NFAM1: variants seen among roughly 807,000 people sequenced by gnomAD.
The protein encoded by NFAM1 is NFAT activation molecule 1.
In NFAM1, 17 loss-of-function variants were observed where a neutral mutation model predicts 29.0. The ratio of observed to expected loss-of-function variants is 0.59; its 90% CI spans 0.40 to 0.88. NFAM1 has a LOEUF of 0.88. Among genes scored for constraint, NFAM1 ranks in the 40% least tolerant of loss-of-function variants. NFAM1 has a pLI of 0.00. For missense variants in NFAM1, 324 were observed against 344.6 expected, an observed-to-expected ratio of 0.94 and a Z score of 0.47; for synonymous variants, 175 against 147.2, an observed-to-expected ratio of 1.19 and a Z score of -1.36.
At chr22:42,391,117 G>A (rs915672317) in intron 4 of NFAM1, among the ~76,000 whole-genome samples, 6 of 152,176 alleles carry the variant, frequency 3.9e-5, no homozygotes, top group Non-Finnish European at 5.9e-5. Flanking sequence ...GCAGTGTGAC[G>A]GTTTAGGGGC....
At chr22:42,435,409 G>A (rs1400475476), upstream of NFAM1, among the ~76,000 whole-genome samples, 48 of 150,162 alleles carry the variant, frequency 3.2e-4, no homozygotes, top group Non-Finnish European at 4.1e-4. Context: ...GTGCAATGGC[G>A]CGATCTCGGC....
At chr22:42,398,043 T>C in intron 3 of NFAM1, 87 bp from the exon 4 acceptor site, 1 of 676,058 alleles carries the variant, frequency 1.5e-6, no homozygotes, top group Non-Finnish European at 2.6e-6. Context: ...GATGGCAGAT[T>C]GTCATGAGGT....
intron 3 of NFAM1, among the ~76,000 whole-genome samples, chr22:42,408,414 G>A (rs9623585): frequency 6.6e-6 from 1 of 152,020 alleles, no homozygotes; most frequent in Admixed American, 6.5e-5. Context: ...CAGTGTTCAC[G>A]CCTCACACCC....
chr22:42,436,177 C>T (rs1052850610), upstream of NFAM1, among the ~76,000 whole-genome samples: 2 of 152,262 alleles, frequency 1.3e-5, no homozygotes, highest in East Asian at 1.9e-4. Flanking sequence ...GGCCTCCAGC[C>T]GGGACACAGT....
chr22:42,411,019 CTTTTTT>C (rs138369373), intron 2 of NFAM1, among the ~76,000 whole-genome samples: 15,879 of 121,640 alleles, frequency 0.13, 985 homozygotes, highest in Admixed American at 0.15. Context: ...CTTTTCTTTT[CTTTTTT>C]TTTTTTTTTT....
intron 4 of NFAM1, among the ~76,000 whole-genome samples, chr22:42,392,640 C>A (rs1021666714): frequency 6.6e-6 from 1 of 151,988 alleles, no homozygotes; most frequent in Non-Finnish European, 1.5e-5. Flanking sequence ...GTACTGTTAA[C>A]CCTGTTTTGC....
chr22:42,414,061 AC>A (rs1361739049), intron 1 of NFAM1, among the ~76,000 whole-genome samples: 1 of 152,216 alleles, frequency 6.6e-6, no homozygotes, highest in Non-Finnish European at 1.5e-5. Flanking sequence ...CTCAAAAAAA[AC>A]AAAAAGAAGA....
At chr22:42,420,404 C>T (rs914036013) in intron 1 of NFAM1, among the ~76,000 whole-genome samples, 15 of 151,828 alleles carry the variant, frequency 9.9e-5, no homozygotes, top group Non-Finnish European at 4.4e-5. Flanking sequence ...CCTGGGAGTT[C>T]GAAGCTGCAA....
rs757190824 is a variant in NFAM1, at chr22:42,411,422, A to G, written c.436T>C (p.Phe146Leu). 3 of 1,613,120 alleles carry G rather than the reference A, an allele frequency of 1.9e-6. No individual in the cohort carries two copies. In the African/African-American group the frequency reaches 4.0e-5, roughly 22 times the overall value. The change falls in exon 2 of 6, where the codon TTC becomes CTC. Residue 146 changes from phenylalanine (F) to leucine (L), a missense_variant. By Grantham distance (22) the Phe-to-Leu change is conservative. Coordinates refer to ENST00000329021, the MANE Select transcript of NFAM1 (RefSeq NM_145912.8). ...PHSTVRGSGT[F>L]ILVRDAGYRE... Reference sequence around the variant, plus strand: ...GAAGCCTTACCTCTGACCAGGATGAAGGTGCCGCTGCCTCTCACCGTGGAG... The same window carrying G: ...GAAGCCTTACCTCTGACCAGGATGAGGGTGCCGCTGCCTCTCACCGTGGAG...
chr22:42,392,841 C>T (rs556196139), intron 4 of NFAM1, among the ~76,000 whole-genome samples: 3 of 151,990 alleles, frequency 2.0e-5, no homozygotes, highest in South Asian at 4.2e-4. Context: ...GCTCTGTCAC[C>T]CAGGCTGGAG....
chr22:42,428,707 C>T (rs1458464400), intron 1 of NFAM1, among the ~76,000 whole-genome samples: 3 of 152,168 alleles, frequency 2.0e-5, no homozygotes, highest in Admixed American at 6.5e-5. Flanking sequence ...TGCCTAGAAC[C>T]GGTCCTTTTC....
At chr22:42,386,407 A>C (rs1181539879) in intron 5 of NFAM1, among the ~76,000 whole-genome samples, 1 of 142,736 alleles carries the variant, frequency 7.0e-6, no homozygotes, top group Admixed American at 7.2e-5. Flanking sequence ...ACACACACAC[A>C]CACACACACA....
rs563945301 is a variant in NFAM1, at chr22:42,388,418, C to T, written c.664-1340G>A. 1.3e-5 allele frequency among the ~76,000 whole-genome samples: 2 copies of T among 152,216 alleles called. No homozygotes were observed. The highest frequency in any genetic ancestry group is 2.9e-5 in the Non-Finnish European group (2 of 68,040). ...GAGAAGCATGAGGCCTGCCCACCTCCCCTCTCTGGGATCACAGACCAGACC... is the reference window on the plus strand; with the variant it reads ...GAGAAGCATGAGGCCTGCCCACCTCTCCTCTCTGGGATCACAGACCAGACC... On this transcript the variant is annotated intron_variant, in intron 4 of 5. Transcript: ENST00000329021. The surrounding 1 kb of genome is among the most constrained non-coding windows in gnomAD (Gnocchi z 4.1).
chr22:42,437,826 G>A, the NFAM1 span, among the ~76,000 whole-genome samples: 3 of 152,208 alleles, frequency 2.0e-5, no homozygotes, highest in African/African-American at 7.2e-5. Context: ...TCCGGTGCAG[G>A]CAGAACCAAG....
At chr22:42,424,222 T>C (rs895187391) in intron 1 of NFAM1, among the ~76,000 whole-genome samples, 5 of 152,274 alleles carry the variant, frequency 3.3e-5, no homozygotes, top group East Asian at 1.9e-4. Flanking sequence ...GAGACCATCC[T>C]GGCTAACACG....
At chr22:42,403,134 G>T (rs1342979263) in intron 3 of NFAM1, among the ~76,000 whole-genome samples, 2 of 151,992 alleles carry the variant, frequency 1.3e-5, no homozygotes, top group Non-Finnish European at 1.5e-5. Flanking sequence ...ACCACGCCCG[G>T]CCCCCTCTGT....
rs11090095 is a variant in NFAM1, at chr22:42,381,960, C to T, written c.*3201G>A. 83,335 of 152,196 alleles carry T rather than the reference C, an allele frequency of 0.55. 25,361 individuals are homozygous for T. Among genetic ancestry groups the T allele is most frequent in the African/African-American group, 0.83 (34,498 of 41,512 alleles). 9.4% of individuals were successfully genotyped at this position (152,196 alleles called of 1,614,324 possible). On this transcript the variant is annotated 3_prime_UTR_variant, in exon 6 of 6. Coordinates refer to ENST00000329021, the MANE Select transcript of NFAM1 (RefSeq NM_145912.8). The stretch of plus-strand genomic sequence containing the variant: ...CTCTGTACTGCCCCAGAAGCCTATT[C>T]CTTCTGAAGGACGAGTCTTGAAGGA...
At chr22:42,387,868 G>A (rs940125216) in intron 4 of NFAM1, among the ~76,000 whole-genome samples, 1 of 152,224 alleles carries the variant, frequency 6.6e-6, no homozygotes, top group African/African-American at 2.4e-5. Flanking sequence ...GCCCGAGTCA[G>A]TATTGAGCTC....
At chr22:42,433,742 C>T (rs111366159), upstream of NFAM1, among the ~76,000 whole-genome samples, 14 of 152,218 alleles carry the variant, frequency 9.2e-5, no homozygotes, top group East Asian at 3.9e-4. Context: ...AGGGGGCAGG[C>T]GGGGACCCCA....
Sources: gnomAD v4.1 joint callset for allele counts (sites outside exome capture counted in the v4.1 genomes callset) on GRCh38, gnomAD v4.1.1 for gene constraint, Gnocchi (gnomAD v3.1) non-coding constraint, MANE v1.5 for transcripts, NCBI Gene and HGNC (gene_info 2026-07-23, HGNC 2026-07-21) for gene names.